The following AMD1 variants were observed in gnomAD, a reference collection of about 807,000 sequenced individuals.
AMD1 encodes S-adenosylmethionine decarboxylase proenzyme.
Under a neutral mutation model 40.2 loss-of-function variants are expected in AMD1, and 11 were observed. The ratio of observed to expected loss-of-function variants is 0.27; its 90% CI spans 0.17 to 0.45. The LOEUF (loss-of-function observed/expected upper bound fraction) is 0.45. Among genes scored for constraint, AMD1 ranks in the 20% least tolerant of loss-of-function variants. AMD1 has a pLI of 1.00. For synonymous variants in AMD1, 121 were observed against 130.8 expected (o/e 0.93, Z 0.51); for missense variants, 257 against 410.2 (o/e 0.63, Z 3.23).
At chr6:110,841,893 C>T in the AMD1 span, among the ~76,000 whole-genome samples, 1 of 152,070 alleles carries the variant, frequency 6.6e-6, no homozygotes, top group East Asian at 1.9e-4. Context: ...ACCTCTGCCT[C>T]CTGGGATTGA....
the AMD1 span, among the ~76,000 whole-genome samples, chr6:110,833,555 G>A: frequency 2.0e-5 from 3 of 152,250 alleles, no homozygotes; most frequent in African/African-American, 7.2e-5. Context: ...TCTTCTCAGT[G>A]ACTTTATTAT....
chr6:110,890,439 C>T (rs1404420618), intron 4 of AMD1, 83 bp downstream of exon 4: 3 of 993,832 alleles, frequency 3.0e-6, no homozygotes, highest in Middle Eastern at 3.2e-4. Context: ...TGAGAGCATA[C>T]TTATGCATAT....
the AMD1 span, chr6:110,815,213 G>C: frequency 7.2e-7 from 1 of 1,398,132 alleles, no homozygotes; most frequent in East Asian, 2.9e-5. Flanking sequence ...CCCCGCGACC[G>C]CCGCTCCACT....
At chr6:110,869,958 C>A (rs1465392717), upstream of AMD1, among the ~76,000 whole-genome samples, 1 of 151,828 alleles carries the variant, frequency 6.6e-6, no homozygotes, top group Admixed American at 6.6e-5. Flanking sequence ...CTATGTTACC[C>A]AGGCTGGTCT....
At chr6:110,847,597 A>G in the AMD1 span, among the ~76,000 whole-genome samples, 1 of 152,120 alleles carries the variant, frequency 6.6e-6, no homozygotes, top group African/African-American at 2.4e-5. Flanking sequence ...TGATTGAATA[A>G]GGTCCACCCA....
intron 1 of AMD1, among the ~76,000 whole-genome samples, chr6:110,886,845 A>C (rs1389033172): frequency 6.6e-6 from 1 of 152,246 alleles, no homozygotes; most frequent in Non-Finnish European, 1.5e-5. Flanking sequence ...ACACTAATGA[A>C]AGAATGAACA....
chr6:110,836,737 GT>G, the AMD1 span, among the ~76,000 whole-genome samples: 1,970 of 152,102 alleles, frequency 0.013, 18 homozygotes, highest in Admixed American at 0.027. Context: ...AAGGTTGTTT[GT>G]TTTGTTAGGT....
At chr6:110,885,453 C>T (rs1417467644) in intron 1 of AMD1, among the ~76,000 whole-genome samples, 4 of 151,120 alleles carry the variant, frequency 2.6e-5, no homozygotes, top group East Asian at 2.0e-4. Context: ...GTTTTTGAGA[C>T]GGAGTCTCCC....
chr6:110,837,172 CAAAAAAAAAAAA>C, the AMD1 span, among the ~76,000 whole-genome samples: 169 of 23,904 alleles, frequency 7.1e-3, 1 homozygote, highest in African/African-American at 0.023. Context: ...CAGAGCGTCT[CAAAAAAAAAAAA>C]AAAAAAAAAA....
chr6:110,822,803 C>A, the AMD1 span, among the ~76,000 whole-genome samples: 1 of 152,098 alleles, frequency 6.6e-6, no homozygotes, highest in African/African-American at 2.4e-5. Flanking sequence ...ATGTGATTCA[C>A]CACAGAAACA....
chr6:110,887,796 C>T (rs1000282289), intron 2 of AMD1, among the ~76,000 whole-genome samples: 2 of 152,012 alleles, frequency 1.3e-5, no homozygotes, highest in African/African-American at 2.4e-5. Flanking sequence ...AGCAATTCTC[C>T]GGCCTAAGCC....
At chr6:110,840,586 C>G in the AMD1 span, among the ~76,000 whole-genome samples, 1 of 152,134 alleles carries the variant, frequency 6.6e-6, no homozygotes, top group South Asian at 2.1e-4. Flanking sequence ...CACCCTAGGC[C>G]TGCCACCCTT....
the AMD1 span, among the ~76,000 whole-genome samples, chr6:110,856,902 G>A: frequency 3.3e-5 from 5 of 152,086 alleles, no homozygotes; most frequent in South Asian, 2.1e-4. Flanking sequence ...AGTGGCTCAC[G>A]TCTGTAATCC....
At chr6:110,814,825 G>A in the AMD1 span, 3 of 783,380 alleles carry the variant, frequency 3.8e-6, no homozygotes, top group South Asian at 4.6e-5. Context: ...GGTACGCGAC[G>A]GGGCCGCGCG....
At chr6:110,886,815 A>G (rs1246705769) in intron 1 of AMD1, among the ~76,000 whole-genome samples, 1 of 152,140 alleles carries the variant, frequency 6.6e-6, no homozygotes, top group East Asian at 1.9e-4. Flanking sequence ...ATGGAATTAC[A>G]TTGTCTTTTT....
the AMD1 span, chr6:110,858,678 C>A: frequency 2.9e-6 from 3 of 1,032,498 alleles, no homozygotes; most frequent in Non-Finnish European, 4.5e-6. Context: ...CTTAAGTACT[C>A]GGAGAAGCAG....
chr6:110,820,506 G>A, the AMD1 span, among the ~76,000 whole-genome samples: 1 of 151,942 alleles, frequency 6.6e-6, no homozygotes, highest in Non-Finnish European at 1.5e-5. Context: ...CAAAGTGCTG[G>A]GATTACAGGC....
At chr6:110,888,611 C>CTT (rs895245960) in intron 2 of AMD1, 20 of 235,374 alleles carry the variant, frequency 8.5e-5, no homozygotes, top group South Asian at 1.4e-4. Flanking sequence ...TGGCCTCTCT[C>CTT]TTTTTTTTTT....
At chr6:110,841,458 G>A in the AMD1 span, among the ~76,000 whole-genome samples, 10 of 152,150 alleles carry the variant, frequency 6.6e-5, no homozygotes, top group Admixed American at 2.0e-4. Context: ...GTCCCAGCTC[G>A]CAGCCTATGC....
Sources: allele counts gnomAD v4.1 joint callset (sites outside exome capture counted in the v4.1 genomes callset), GRCh38; gene constraint gnomAD v4.1.1; transcripts MANE v1.5; gene names NCBI Gene and HGNC (gene_info 2026-07-23, HGNC 2026-07-21).